Variants in NALF1 observed in about 807,000 individuals in gnomAD.
NALF1 encodes the protein family with sequence similarity 155 member A.
Under a neutral mutation model 48.4 loss-of-function variants are expected in NALF1, and 3 were observed. The ratio of observed to expected loss-of-function variants is 0.06; its 90% CI spans 0.03 to 0.16. NALF1 has a LOEUF of 0.16. NALF1 is among the 10% of genes least tolerant of loss of function. NALF1 has a pLI of 1.00. For synonymous variants in NALF1, 262 were observed against 245.7 expected, an observed-to-expected ratio of 1.07 and a Z score of -0.62; for missense variants, 526 against 571.5, an observed-to-expected ratio of 0.92 and a Z score of 0.81.
chr13:107,318,219 G>A (rs924730705), intron 1 of NALF1, among the ~76,000 whole-genome samples: 1 of 152,084 alleles, frequency 6.6e-6, no homozygotes, highest in Non-Finnish European at 1.5e-5. Flanking sequence ...TGTCAATCAA[G>A]TAAATATCAT....
rs375683597 is a variant in NALF1, at chr13:107,669,840, C to T, written c.915+195842G>A. Among the ~76,000 whole-genome samples, 64 of 152,142 alleles carry T rather than the reference C, an allele frequency of 4.2e-4. 3 individuals carry two copies. In the South Asian group the frequency reaches 0.013, roughly 31 times the overall value. The stretch of plus-strand genomic sequence containing the variant: ...CTGCCTAGAGTCCTATTTCAGCATC[C>T]ACCCTCCCACTTTCCAGCCCTGCAC... On this transcript the variant is annotated intron_variant, in intron 1 of 2. Transcript: ENST00000375915.
At chr13:107,637,952 A>T (rs1880030436) in intron 1 of NALF1, among the ~76,000 whole-genome samples, 1 of 151,834 alleles carries the variant, frequency 6.6e-6, no homozygotes, top group African/African-American at 2.4e-5. Context: ...AATTAGCCTT[A>T]GAAACGTCAC....
chr13:107,614,601 A>AG (rs1879327911), intron 1 of NALF1, among the ~76,000 whole-genome samples: 1 of 152,190 alleles, frequency 6.6e-6, no homozygotes. Context: ...TGCTGTTTAA[A>AG]TTTTCATTAA....
chr13:107,560,175 C>T (rs957114674), intron 1 of NALF1, among the ~76,000 whole-genome samples: 4 of 152,044 alleles, frequency 2.6e-5, no homozygotes, highest in African/African-American at 7.2e-5. Flanking sequence ...CAGAGATAAT[C>T]GAATTCACAG....
intron 1 of NALF1, among the ~76,000 whole-genome samples, chr13:107,373,120 C>A (rs1192200255): frequency 6.6e-6 from 1 of 152,142 alleles, no homozygotes; most frequent in Non-Finnish European, 1.5e-5. Context: ...ATAAGGTATA[C>A]AGAGCATCTA....
At chr13:107,683,012 C>A (rs949590693) in intron 1 of NALF1, among the ~76,000 whole-genome samples, 2 of 152,156 alleles carry the variant, frequency 1.3e-5, no homozygotes, top group Non-Finnish European at 1.5e-5. Flanking sequence ...CCTGTAATCC[C>A]AGCACTTTGG....
intron 1 of NALF1, among the ~76,000 whole-genome samples, chr13:107,600,831 T>C (rs556798110): frequency 6.6e-6 from 1 of 152,320 alleles, no homozygotes; most frequent in South Asian, 2.1e-4. Flanking sequence ...CTCGATAGTA[T>C]TTGTTGAATG....
At chr13:107,196,271 A>T (rs1296901620) in intron 2 of NALF1, among the ~76,000 whole-genome samples, 2 of 152,178 alleles carry the variant, frequency 1.3e-5, no homozygotes, top group African/African-American at 4.8e-5. Context: ...CCTATATAAC[A>T]AACCCATGCA....
At chr13:107,527,924 A>G (rs1344024410) in intron 1 of NALF1, among the ~76,000 whole-genome samples, 2 of 152,152 alleles carry the variant, frequency 1.3e-5, no homozygotes. Flanking sequence ...TGTGAAAACA[A>G]ACTAATACAA....
intron 1 of NALF1, among the ~76,000 whole-genome samples, chr13:107,307,297 C>T (rs1040649884): frequency 6.6e-6 from 1 of 152,024 alleles, no homozygotes; most frequent in Non-Finnish European, 1.5e-5. Context: ...ACCAAGATGT[C>T]TATTACTTGA....
intron 1 of NALF1, among the ~76,000 whole-genome samples, chr13:107,761,105 C>T (rs1339876282): frequency 6.6e-6 from 1 of 152,126 alleles, no homozygotes; most frequent in Non-Finnish European, 1.5e-5. Context: ...CACTTGTAAT[C>T]CCAGTACTTT....
At chr13:107,449,254 T>C (rs1884701594) in intron 1 of NALF1, among the ~76,000 whole-genome samples, 1 of 145,194 alleles carries the variant, frequency 6.9e-6, no homozygotes, top group Admixed American at 6.9e-5. Context: ...AAAAAAAGAA[T>C]AAAAAAAAAA....
intron 1 of NALF1, among the ~76,000 whole-genome samples, chr13:107,638,296 G>A (rs1880047266): frequency 6.6e-6 from 1 of 150,618 alleles, no homozygotes; most frequent in Non-Finnish European, 1.5e-5. Context: ...TTTATTTCCA[G>A]GAGTAGATTA....
chr13:107,491,296 T>G (rs569382326), intron 1 of NALF1, among the ~76,000 whole-genome samples: 1 of 152,214 alleles, frequency 6.6e-6, no homozygotes, highest in Non-Finnish European at 1.5e-5. Flanking sequence ...TTACAAGATG[T>G]GACAGACATT....
chr13:107,635,057 A>C (rs1232055684), intron 1 of NALF1, among the ~76,000 whole-genome samples: 1 of 152,134 alleles, frequency 6.6e-6, no homozygotes, highest in Non-Finnish European at 1.5e-5. Flanking sequence ...GCAATAATTA[A>C]TATGTTTTGG....
chr13:107,443,178 ATCTATCT>A (rs1884592847), intron 1 of NALF1, among the ~76,000 whole-genome samples: 2 of 134,608 alleles, frequency 1.5e-5, no homozygotes, highest in Non-Finnish European at 1.5e-5. Flanking sequence ...CAATCTATCT[ATCTATCT>A]ATCTATCTAT....
chr13:107,169,288 TA>T lies in NALF1; in HGVS notation c.*1208del, dbSNP rs1186368502. ...ATACACTGTATACCTGGAATAATTT[TA>T]AACCATATGTTAGGGAAATACTGGA... On this transcript the variant is annotated 3_prime_UTR_variant, in exon 3 of 3. Coordinates refer to ENST00000375915, the MANE Select transcript of NALF1 (RefSeq NM_001080396.3). The T allele has an allele frequency of 6.6e-6, 1 of 152,246 alleles. No individual in the cohort carries two copies. Among genetic ancestry groups the T allele is most frequent in the Non-Finnish European group, 1.5e-5 (1 of 68,040 alleles). The allele number at this position is 152,246 out of a possible 1,614,324, so 9.4% of individuals were successfully genotyped here.
chr13:107,210,908 A>G (rs763944327), intron 1 of NALF1, among the ~76,000 whole-genome samples, 153 bp from the exon 2 acceptor site: 7 of 152,224 alleles, frequency 4.6e-5, no homozygotes, highest in Non-Finnish European at 1.0e-4. Flanking sequence ...GACAGCTGCA[A>G]GTGATAAAAA....
chr13:107,628,044 G>A lies in NALF1; in HGVS notation c.915+237638C>T, dbSNP rs1200470963. ...ATTATGCACTCATAAATCTGAAAAT[G>A]GACAGGTGATCACACAGATCAGACA... On this transcript the variant is annotated intron_variant, in intron 1 of 2. Coordinates refer to ENST00000375915, the MANE Select transcript of NALF1 (RefSeq NM_001080396.3). Among the ~76,000 whole-genome samples the A allele has an allele frequency of 3.3e-5, 5 of 152,094 alleles. No individual in the cohort carries two copies. The East Asian group carries it at 9.6e-4, about 29-fold the overall frequency.
Sources: allele counts gnomAD v4.1 joint callset (sites outside exome capture counted in the v4.1 genomes callset), GRCh38; gene constraint gnomAD v4.1.1; transcripts MANE v1.5; gene names NCBI Gene and HGNC (gene_info 2026-07-23, HGNC 2026-07-21).